XKR6: variants seen among roughly 807,000 people sequenced by gnomAD.
XKR6 encodes XK related 6.
A neutral mutation model predicts 56.7 loss-of-function variants in XKR6; 22 were observed. That is an observed-to-expected ratio of 0.39 (90% CI 0.28 to 0.55). The LOEUF is 0.55. XKR6 is among the 20% of genes least tolerant of loss of function. The pLI, the probability that XKR6 is intolerant of heterozygous loss-of-function variation, is 0.66. For missense variants in XKR6, 852 were observed against 889.0 expected, an observed-to-expected ratio of 0.96 and a Z score of 0.53; for synonymous variants, 524 against 387.8, an observed-to-expected ratio of 1.35 and a Z score of -4.13.
intron 2 of XKR6, among the ~76,000 whole-genome samples, chr8:10,909,251 G>T (rs1042561745): frequency 6.6e-6 from 1 of 151,936 alleles, no homozygotes; most frequent in Admixed American, 6.6e-5. Flanking sequence ...CAGCAAAGAG[G>T]CTCTCACCAG....
chr8:11,095,950 G>C (rs368087207), intron 1 of XKR6, among the ~76,000 whole-genome samples: 1 of 152,070 alleles, frequency 6.6e-6, no homozygotes, highest in East Asian at 1.9e-4. Flanking sequence ...TTTTTGGATT[G>C]GGAAGACATT....
chr8:11,087,855 G>A (rs1254938921), intron 1 of XKR6, among the ~76,000 whole-genome samples: 1 of 152,234 alleles, frequency 6.6e-6, no homozygotes, highest in Non-Finnish European at 1.5e-5. Flanking sequence ...AGGAGAAGGA[G>A]GAGGCAGAGA....
At chr8:11,187,284 AG>A (rs1214639166) in intron 1 of XKR6, among the ~76,000 whole-genome samples, 1 of 152,228 alleles carries the variant, frequency 6.6e-6, no homozygotes, top group Non-Finnish European at 1.5e-5. Context: ...ATTGTAGACA[AG>A]GGCCAACAAA....
intron 1 of XKR6, among the ~76,000 whole-genome samples, chr8:11,004,867 G>A (rs1301346280): frequency 2.0e-5 from 3 of 152,198 alleles, no homozygotes; most frequent in Non-Finnish European, 4.4e-5. Context: ...AAAAAGGAAA[G>A]AAATTCTGGC....
At chr8:11,107,636 T>C (rs1798728469) in intron 1 of XKR6, among the ~76,000 whole-genome samples, 2 of 152,128 alleles carry the variant, frequency 1.3e-5, no homozygotes, top group African/African-American at 2.4e-5. Context: ...TGCGAAACAG[T>C]GAGGCACATG....
Position 10,930,667 on chromosome 8 carries a change from C to A in XKR6, c.765-5837G>T, listed in dbSNP as rs186414312. On this transcript the variant is annotated intron_variant, in intron 1 of 2. Coordinates refer to ENST00000416569, the MANE Select transcript of XKR6 (RefSeq NM_173683.4). Reference sequence around the variant, plus strand: ...ATATTCAAAAATCAATCAATGTAATCTATGACATTAATAACCACACATCAT... The same window carrying A: ...ATATTCAAAAATCAATCAATGTAATATATGACATTAATAACCACACATCAT... 1.9e-3 allele frequency among the ~76,000 whole-genome samples: 293 copies of A among 152,318 alleles called. 1 individual carries two copies. The highest frequency in any genetic ancestry group is 0.014 in the Middle Eastern group (4 of 294).
At chr8:11,178,672 GATAA>G (rs1802808361) in intron 1 of XKR6, among the ~76,000 whole-genome samples, 1 of 132,142 alleles carries the variant, frequency 7.6e-6, no homozygotes, top group African/African-American at 3.7e-5. Context: ...TATACACAGA[GATAA>G]ATATATATAT....
chr8:11,145,060 G>T (rs200879220), intron 1 of XKR6, among the ~76,000 whole-genome samples: 1 of 151,174 alleles, frequency 6.6e-6, no homozygotes, highest in Non-Finnish European at 1.5e-5. Context: ...GAGGGAGGAA[G>T]GAAACAAACT....
chr8:11,145,168 G>A (rs1221792448), intron 1 of XKR6, among the ~76,000 whole-genome samples: 1 of 152,078 alleles, frequency 6.6e-6, no homozygotes, highest in Non-Finnish European at 1.5e-5. Context: ...ATGCTCACTG[G>A]AGCATTTTGG....
At chr8:10,958,627 C>A (rs1267664406) in intron 1 of XKR6, among the ~76,000 whole-genome samples, 2 of 152,178 alleles carry the variant, frequency 1.3e-5, no homozygotes, top group African/African-American at 4.8e-5. Flanking sequence ...CCAATATTCC[C>A]CTTTTACAGA....
At position 11,201,027 on chromosome 8, in the gene XKR6, G is replaced by A. The variant is rs1346223017; in HGVS notation, c.313C>T (p.Arg105Cys). The A allele has an allele frequency of 7.5e-6, 9 of 1,203,948 alleles. No homozygotes were observed. The highest frequency in any genetic ancestry group is 9.2e-6 in the Non-Finnish European group (9 of 974,380). 74.6% of individuals were successfully genotyped at this position (1,203,948 alleles called of 1,614,324 possible). ...GCGGCCGAGGGCGTCGGGGGTTGGCGGCCGGCGCCGGGGGCCGCGGGAGGC... is the reference window on the plus strand; with the variant it reads ...GCGGCCGAGGGCGTCGGGGGTTGGCAGCCGGCGCCGGGGGCCGCGGGAGGC... ...LQPPAAPGAG[R>C]QPPTPSAARP... The change falls in exon 1 of 3, where the codon CGC becomes TGC. Residue 105 changes from arginine (R) to cysteine (C), a missense_variant. Physicochemically the swap from Arg to Cys is radical, Grantham distance 180 (BLOSUM62 -3). Coordinates refer to ENST00000416569, the MANE Select transcript of XKR6 (RefSeq NM_173683.4).
intron 1 of XKR6, among the ~76,000 whole-genome samples, chr8:10,978,480 C>T (rs540494759): frequency 5.9e-5 from 9 of 152,182 alleles, no homozygotes; most frequent in South Asian, 4.2e-4. Flanking sequence ...AGGGGGAAGA[C>T]GATTTGTTGA....
intron 1 of XKR6, among the ~76,000 whole-genome samples, chr8:11,011,561 A>G (rs1342319446): frequency 6.6e-6 from 1 of 152,264 alleles, no homozygotes; most frequent in Non-Finnish European, 1.5e-5. Context: ...GAGAAGAAAC[A>G]GGACAAAAAC....
chr8:11,196,888 T>C lies in XKR6; in HGVS notation c.764+3688A>G, dbSNP rs78740752. Among the ~76,000 whole-genome samples the C allele has an allele frequency of 9.1e-3, 1,384 of 152,250 alleles. 5 individuals carry two copies. The highest frequency in any genetic ancestry group is 0.014 in the Non-Finnish European group (941 of 68,004). On this transcript the variant is annotated intron_variant, in intron 1 of 2. Coordinates refer to ENST00000416569, the MANE Select transcript of XKR6 (RefSeq NM_173683.4). ...AGACCCATAATAAACTAAGTATCCC[T>C]ACATAGAGGAGCAGACAGGAGGGCA...
rs1803245628 is a variant in XKR6 at position 11,185,836 on chromosome 8, A to G, written c.764+14740T>C. On this transcript the variant is annotated intron_variant, in intron 1 of 2. Coordinates refer to ENST00000416569, the MANE Select transcript of XKR6 (RefSeq NM_173683.4). Reference sequence around the variant, plus strand: ...AAAAATTATTTAAAACTCCAGTTGTATAATTTCAAGATAGTTTAGTGTATT... The same window carrying G: ...AAAAATTATTTAAAACTCCAGTTGTGTAATTTCAAGATAGTTTAGTGTATT... Among the ~76,000 whole-genome samples the G allele has an allele frequency of 2.6e-5, 4 of 152,360 alleles. No homozygotes were observed. In the South Asian group the frequency reaches 6.2e-4, roughly 24 times the overall value.
chr8:11,073,569 T>C (rs1227313669), intron 1 of XKR6, among the ~76,000 whole-genome samples: 1 of 152,202 alleles, frequency 6.6e-6, no homozygotes, highest in Admixed American at 6.5e-5. Flanking sequence ...ACATATGCAC[T>C]GATCAATACT....
intron 1 of XKR6, among the ~76,000 whole-genome samples, chr8:11,160,205 A>G (rs776274296): frequency 1.3e-5 from 2 of 152,204 alleles, no homozygotes; most frequent in Non-Finnish European, 2.9e-5. Flanking sequence ...AGAAACAAAA[A>G]AAAAGTAAAT....
chr8:11,184,919 A>G (rs780837581), intron 1 of XKR6, among the ~76,000 whole-genome samples: 3 of 152,208 alleles, frequency 2.0e-5, no homozygotes, highest in Non-Finnish European at 4.4e-5. Context: ...TTTAGTATAC[A>G]GCACATCCTC....
intron 1 of XKR6, chr8:11,106,527 C>G (rs1277857239): frequency 6.6e-6 from 1 of 152,312 alleles, no homozygotes; most frequent in Non-Finnish European, 1.5e-5. Flanking sequence ...AGACAACTGT[C>G]ATCCAAACAA....
Sources: allele counts gnomAD v4.1 joint callset (sites outside exome capture counted in the v4.1 genomes callset), GRCh38; gene constraint gnomAD v4.1.1; transcripts MANE v1.5; gene names NCBI Gene and HGNC (gene_info 2026-07-23, HGNC 2026-07-21).